Variants in PID1 observed in about 807,000 individuals in gnomAD.
PID1 encodes the protein PTB-containing, cubilin and LRP1-interacting protein.
Under a neutral mutation model 19.1 loss-of-function variants are expected in PID1, and 10 were observed. The observed-to-expected ratio is 0.52, with a 90% CI of 0.32 to 0.89. The LOEUF (loss-of-function observed/expected upper bound fraction) is 0.89, where lower values mean the gene tolerates loss of function less well. Ranked by LOEUF, PID1 falls within the 40% of genes least tolerant of loss-of-function variation. The probability of loss-of-function intolerance (pLI) is 0.03; values close to 1 mark genes in which losing one functional copy is unlikely to be tolerated. For synonymous variants in PID1, 130 were observed against 116.0 expected, an observed-to-expected ratio of 1.12 and a Z score of -0.78; for missense variants, 248 against 285.3, an observed-to-expected ratio of 0.87 and a Z score of 0.94.
intron 2 of PID1, among the ~76,000 whole-genome samples, chr2:229,145,924 A>G (rs1690120631): frequency 1.3e-5 from 2 of 152,208 alleles, no homozygotes; most frequent in South Asian, 4.1e-4. Flanking sequence ...GGCTCAACAT[A>G]TGAGTAAGAT....
intron 2 of PID1, among the ~76,000 whole-genome samples, chr2:229,139,103 GAAAGAAAGAAAGAGAAAGAAAGAA>G (rs1689945017): frequency 1.5e-5 from 1 of 66,694 alleles, no homozygotes; most frequent in African/African-American, 7.5e-5. Context: ...AAGAAAGAAA[GAAAGAAAGAAAGAGAAAGAAAGAA>G]AGAAAGAAAG....
chr2:229,215,492 C>T (rs904983705), intron 1 of PID1, among the ~76,000 whole-genome samples: 3 of 152,180 alleles, frequency 2.0e-5, no homozygotes, highest in African/African-American at 7.2e-5. Context: ...TAAATGCTTA[C>T]TTAAAATACA....
At chr2:229,096,629 A>G (rs1314402371) in intron 2 of PID1, among the ~76,000 whole-genome samples, 1 of 152,148 alleles carries the variant, frequency 6.6e-6, no homozygotes, top group Non-Finnish European at 1.5e-5. Context: ...GCTAGATGAT[A>G]ATAATATAAA....
At chr2:229,127,480 C>G (rs1027909500) in intron 2 of PID1, among the ~76,000 whole-genome samples, 4 of 152,128 alleles carry the variant, frequency 2.6e-5, no homozygotes, top group African/African-American at 9.7e-5. Flanking sequence ...TACAAGCCAT[C>G]AGAAGGTGAT....
intron 2 of PID1, among the ~76,000 whole-genome samples, chr2:229,035,884 T>C (rs1246286855): frequency 6.6e-6 from 1 of 152,184 alleles, no homozygotes; most frequent in Non-Finnish European, 1.5e-5. Context: ...GCAGGTAAAC[T>C]GTCCTTAACC....
chr2:229,181,476 C>T (rs1690945489), intron 1 of PID1, among the ~76,000 whole-genome samples: 1 of 152,230 alleles, frequency 6.6e-6, no homozygotes, highest in East Asian at 1.9e-4. Context: ...GAATCAACGG[C>T]AAGATCAAAG....
At chr2:229,229,404 T>C (rs564682271) in intron 1 of PID1, among the ~76,000 whole-genome samples, 1 of 152,210 alleles carries the variant, frequency 6.6e-6, no homozygotes. Flanking sequence ...AAAAATAAAA[T>C]GTTTAAAAGC....
chr2:229,046,383 T>TGC (rs879285293), intron 2 of PID1, among the ~76,000 whole-genome samples: 31 of 125,498 alleles, frequency 2.5e-4, no homozygotes, highest in Non-Finnish European at 4.2e-4. Flanking sequence ...TGTGTGTGCG[T>TGC]GTGTGTGTGT....
intron 2 of PID1, among the ~76,000 whole-genome samples, chr2:229,075,127 C>G (rs60532896): frequency 6.6e-6 from 1 of 152,196 alleles, no homozygotes; most frequent in East Asian, 1.9e-4. Context: ...GCAAAAGAAT[C>G]TAACACAAAG....
intron 2 of PID1, among the ~76,000 whole-genome samples, chr2:229,054,722 G>GTGTTT (rs1035204865): frequency 1.8e-5 from 1 of 57,116 alleles, no homozygotes; most frequent in African/African-American, 5.7e-5. Context: ...GTGTGTGTGG[G>GTGTTT]GGGGGGGGGG....
At chr2:229,115,380 C>G (rs1452055209) in intron 2 of PID1, among the ~76,000 whole-genome samples, 2 of 121,722 alleles carry the variant, frequency 1.6e-5, no homozygotes, top group African/African-American at 6.3e-5. Flanking sequence ...TGGCATGCAC[C>G]TATAGTCCCA....
At chr2:229,237,559 C>A (rs1689742190) in intron 1 of PID1, among the ~76,000 whole-genome samples, 1 of 152,076 alleles carries the variant, frequency 6.6e-6, no homozygotes, top group Non-Finnish European at 1.5e-5. Flanking sequence ...CAAAGCTGTT[C>A]ACTTGCTTCT....
chr2:229,063,857 G>T lies in PID1; in HGVS notation c.178-37749C>A, dbSNP rs141898683. Among the ~76,000 whole-genome samples, 164 of 152,122 alleles carry T rather than the reference G, an allele frequency of 1.1e-3. 1 individual carries two copies. The South Asian group carries it at 0.013, about 13-fold the overall frequency. On this transcript the variant is annotated intron_variant, in intron 2 of 2. Transcript: ENST00000392055. ...AATTGTTATATATTCTTGGTGAATTGATCCATTTATCATAATATAATAACC... is the reference window on the plus strand; with the variant it reads ...AATTGTTATATATTCTTGGTGAATTTATCCATTTATCATAATATAATAACC...
intron 2 of PID1, among the ~76,000 whole-genome samples, chr2:229,116,049 C>A (rs182270771): frequency 6.6e-6 from 1 of 152,088 alleles, no homozygotes; most frequent in African/African-American, 2.4e-5. Flanking sequence ...CGGTAAAACC[C>A]CGTCTCTACT....
chr2:229,130,815 A>C (rs1689722808), intron 2 of PID1, among the ~76,000 whole-genome samples: 1 of 152,080 alleles, frequency 6.6e-6, no homozygotes, highest in East Asian at 1.9e-4. Context: ...AATGAAGTTT[A>C]TTTTCTCACA....
chr2:229,202,755 C>T (rs564105805), intron 1 of PID1, among the ~76,000 whole-genome samples: 7 of 152,122 alleles, frequency 4.6e-5, no homozygotes, highest in South Asian at 4.2e-4. Context: ...AGCTTGTAAG[C>T]GGAAATGGTT....
rs1286715875 is a variant in PID1, at chr2:229,241,225, G to T, written c.30+29789C>A. The stretch of plus-strand genomic sequence containing the variant: ...ATTGACTCCTTTTTCTCTTGTTTAT[G>T]TTTCATTTTCCTGCCAGAATTTTTT... On this transcript the variant is annotated intron_variant, in intron 1 of 2. Transcript: ENST00000392055. Among the ~76,000 whole-genome samples, 3 of 151,986 alleles carry T rather than the reference G, an allele frequency of 2.0e-5. No homozygotes were observed. In the East Asian group the frequency reaches 5.8e-4, roughly 29 times the overall value.
At position 229,137,814 on chromosome 2, in the gene PID1, T is replaced by C. The variant is rs541958286; in HGVS notation, c.177+18004A>G. Among the ~76,000 whole-genome samples, 189 of 152,310 alleles carry C rather than the reference T, an allele frequency of 1.2e-3. 1 individual carries two copies. Among genetic ancestry groups the C allele is most frequent in the African/African-American group, 4.5e-3 (185 of 41,572 alleles). ...TGAAGCACTTTGCTTGGCTAATTTT[T>C]AAACATACACACATCAAGGCCATTG... On this transcript the variant is annotated intron_variant, in intron 2 of 2. Transcript: ENST00000392055.
rs765746020 is a variant in PID1, at chr2:229,065,729, A to AAAAAAAAAAAAAAG, written c.178-39622_178-39621insCTTTTTTTTTTTTT. Among the ~76,000 whole-genome samples the AAAAAAAAAAAAAAG allele has an allele frequency of 5.9e-3, 834 of 140,598 alleles. 22 individuals are homozygous for AAAAAAAAAAAAAAG. Among genetic ancestry groups the AAAAAAAAAAAAAAG allele is most frequent in the African/African-American group, 0.021 (742 of 35,724 alleles). The allele number at this position is 140,598 out of a possible 152,430, so 92.2% of individuals were successfully genotyped here. Reference sequence around the variant, plus strand: ...GTGATTTACAAAAAAAAAAAAAAAAAAAACAGGTTGAAATTCAGAGATTTA... The same window carrying AAAAAAAAAAAAAAG: ...GTGATTTACAAAAAAAAAAAAAAAAAAAAAAAAAAAAAAGAAACAGGTTGAAATTCAGAGATTTA... On this transcript the variant is annotated intron_variant, in intron 2 of 2. Coordinates refer to ENST00000392055, the MANE Select transcript of PID1 (RefSeq NM_001100818.2).
Sources: allele counts gnomAD v4.1 joint callset (sites outside exome capture counted in the v4.1 genomes callset), GRCh38; gene constraint gnomAD v4.1.1; transcripts MANE v1.5; gene names NCBI Gene and HGNC (gene_info 2026-07-23, HGNC 2026-07-21).